Variants in SCAMP1 observed in about 807,000 individuals in gnomAD.
The protein encoded by SCAMP1 is secretory carrier-associated membrane protein 1.
SCAMP1 carries 15 observed loss-of-function variants against 41.8 expected under a neutral mutation model. That is an observed-to-expected ratio of 0.36 (90% CI 0.24 to 0.55). The LOEUF is 0.55. Among genes scored for constraint, SCAMP1 ranks in the 20% least tolerant of loss-of-function variants. The probability of loss-of-function intolerance (pLI) is 0.86; values close to 1 mark genes in which losing one functional copy is unlikely to be tolerated. For missense variants in SCAMP1, 341 were observed against 412.6 expected, an observed-to-expected ratio of 0.83 and a Z score of 1.50; for synonymous variants, 135 against 136.8, an observed-to-expected ratio of 0.99 and a Z score of 0.09.
chr5:78,460,793 C>CTTTGG (rs1561287109), intron 8 of SCAMP1, among the ~76,000 whole-genome samples: 2 of 47,254 alleles, frequency 4.2e-5, no homozygotes, highest in African/African-American at 1.2e-4. Context: ...TCCTTCCTTC[C>CTTTGG]TTCCTTCCTT....
At chr5:78,414,345 C>T (rs1293365963) in intron 2 of SCAMP1, among the ~76,000 whole-genome samples, 3 of 151,754 alleles carry the variant, frequency 2.0e-5, no homozygotes, top group African/African-American at 4.8e-5. Flanking sequence ...TGCAGTGGTG[C>T]GATCTTAGCT....
chr5:78,364,390 TTTAAA>T (rs1347709265), intron 1 of SCAMP1, among the ~76,000 whole-genome samples: 1 of 152,210 alleles, frequency 6.6e-6, no homozygotes, highest in African/African-American at 2.4e-5. Flanking sequence ...GGAAATAACA[TTTAAA>T]TTAATTTTTA....
At chr5:78,436,921 C>T (rs568087059) in intron 6 of SCAMP1, among the ~76,000 whole-genome samples, 42 of 152,100 alleles carry the variant, frequency 2.8e-4, no homozygotes, top group Non-Finnish European at 4.4e-5. Flanking sequence ...TTGTAGTTCT[C>T]CTTGAAGGGG....
intron 2 of SCAMP1, among the ~76,000 whole-genome samples, chr5:78,405,572 G>A (rs553112516): frequency 7.2e-5 from 11 of 152,222 alleles, no homozygotes; most frequent in African/African-American, 1.9e-4. Context: ...TTGTTGTCCC[G>A]TAAAATGATT....
Position 78,391,324 on chromosome 5 carries a change from C to T in SCAMP1, c.135+2410C>T, listed in dbSNP as rs1751493292. Among the ~76,000 whole-genome samples the T allele has an allele frequency of 2.6e-5, 4 of 151,348 alleles. No individual in the cohort carries two copies. In the South Asian group the frequency reaches 8.4e-4, roughly 32 times the overall value. The stretch of plus-strand genomic sequence containing the variant: ...CTCCCGGACGGGGCGGCTGGCCGGG[C>T]AGAGGGGCTCCTCACTTCCCAGTAG... On this transcript the variant is annotated intron_variant, in intron 2 of 8. Transcript: ENST00000621999.
intron 4 of SCAMP1, among the ~76,000 whole-genome samples, 200 bp from the exon 5 acceptor site, chr5:78,418,575 C>G (rs1283459737): frequency 6.6e-6 from 1 of 151,962 alleles, no homozygotes; most frequent in African/African-American, 2.4e-5. Context: ...CTAATGTGCT[C>G]TAAGGTGATG....
At chr5:78,443,879 A>G (rs1423481956) in intron 6 of SCAMP1, among the ~76,000 whole-genome samples, 1 of 150,132 alleles carries the variant, frequency 6.7e-6, no homozygotes, top group Non-Finnish European at 1.5e-5. Context: ...CTGGTCTTGA[A>G]CTCCTGAGCT....
Position 78,415,560 on chromosome 5 carries a change from C to T in SCAMP1, c.176C>T (p.Thr59Ile). The T allele has an allele frequency of 6.2e-7, 1 of 1,608,098 alleles. No homozygotes were observed. Among genetic ancestry groups the T allele is most frequent in the Non-Finnish European group, 8.5e-7 (1 of 1,177,130 alleles). The change falls in exon 3 of 9, where the codon ACA becomes ATA. Residue 59 changes from threonine to isoleucine, a missense_variant. Coordinates refer to ENST00000621999, the MANE Select transcript of SCAMP1 (RefSeq NM_004866.6). ...GTGAAGATGCCTAATGTACCCAATA[C>T]ACAACCAGCAATAATGAAACCAACA... ...GGVKMPNVPN[T>I]QPAIMKPTEE...
chr5:78,442,344 C>T, intron 6 of SCAMP1, among the ~76,000 whole-genome samples: 1 of 152,146 alleles, frequency 6.6e-6, no homozygotes, highest in Non-Finnish European at 1.5e-5. Flanking sequence ...TATCTCTGCT[C>T]ACTGCAACCT....
intron 1 of SCAMP1, among the ~76,000 whole-genome samples, chr5:78,362,895 C>CT (rs397962842): frequency 0.44 from 60,190 of 136,508 alleles, 13,890 homozygotes; most frequent in South Asian, 0.55. Context: ...TCTTTTTTTA[C>CT]TTTTTTTTTT....
chr5:78,452,637 T>C (rs371680390), intron 7 of SCAMP1, among the ~76,000 whole-genome samples: 15 of 151,166 alleles, frequency 9.9e-5, no homozygotes, highest in African/African-American at 2.7e-4. Flanking sequence ...TGAATAATGC[T>C]GCAATAAACA....
At chr5:78,449,897 C>A in intron 6 of SCAMP1, 36 bp from the exon 7 acceptor site, 1 of 1,169,088 alleles carries the variant, frequency 8.6e-7, no homozygotes, top group Non-Finnish European at 1.2e-6. Flanking sequence ...CTCCCCCTAA[C>A]CCCCTTTTTT....
At position 78,452,172 on chromosome 5, in the gene SCAMP1, T is replaced by TTAG. The variant is rs555086625; in HGVS notation, c.734+2140_734+2142dup. On this transcript the variant is annotated intron_variant, in intron 7 of 8. Transcript: ENST00000621999. Reference sequence around the variant, plus strand: ...ATTGGATTATATGGATGTTGCACATTTAGTTTTCTTTTCTTTTTTTTTTTA... The same window carrying TTAG: ...ATTGGATTATATGGATGTTGCACATTTAGTAGTTTTCTTTTCTTTTTTTTTTTA... 7.3e-5 allele frequency among the ~76,000 whole-genome samples: 11 copies of TTAG among 151,570 alleles called. 1 individual carries two copies. In the South Asian group the frequency reaches 2.3e-3, roughly 31 times the overall value.
chr5:78,420,125 G>A lies in SCAMP1; in HGVS notation c.472+1222G>A, dbSNP rs974335048. On this transcript the variant is annotated intron_variant, in intron 5 of 8. Coordinates refer to ENST00000621999, the MANE Select transcript of SCAMP1 (RefSeq NM_004866.6). ...GGCTGGAGTGCAATGGCACGATCTTGGTTCACTGCAACCTCCGCTTCCCGG... is the reference window on the plus strand; with the variant it reads ...GGCTGGAGTGCAATGGCACGATCTTAGTTCACTGCAACCTCCGCTTCCCGG... 2.6e-5 allele frequency among the ~76,000 whole-genome samples: 4 copies of A among 152,116 alleles called. 1 individual carries two copies. The highest frequency in any genetic ancestry group is 2.6e-4 in the Admixed American group (4 of 15,260).
At chr5:78,461,948 T>C (rs1478953215) in intron 8 of SCAMP1, among the ~76,000 whole-genome samples, 1 of 152,216 alleles carries the variant, frequency 6.6e-6, no homozygotes, top group Non-Finnish European at 1.5e-5. Context: ...TTTGGTTCCA[T>C]ATGAATTTTA....
rs754625657 is a variant in SCAMP1 at position 78,415,547 on chromosome 5, A to C, written c.163A>C (p.Asn55His). The change falls in exon 3 of 9, where the codon AAT becomes CAT. Residue 55 changes from asparagine (N) to histidine (H), a missense_variant. Physicochemically the swap from Asn to His is moderately conservative, Grantham distance 68 (BLOSUM62 1). Coordinates refer to ENST00000621999, the MANE Select transcript of SCAMP1 (RefSeq NM_004866.6). ...TCCACCAGGCGGTGTGAAGATGCCTAATGTACCCAATACACAACCAGCAAT... is the reference window on the plus strand; with the variant it reads ...TCCACCAGGCGGTGTGAAGATGCCTCATGTACCCAATACACAACCAGCAAT... ...TPPPGGVKMP[N>H]VPNTQPAIMK... is the part of the protein sequence containing the mutation. 6.2e-7 allele frequency: 1 copy of C among 1,606,870 alleles called. No homozygotes were observed. Among genetic ancestry groups the C allele is most frequent in the Admixed American group, 1.7e-5 (1 of 59,110 alleles).
At chr5:78,376,247 CG>C (rs1561251344) in intron 1 of SCAMP1, among the ~76,000 whole-genome samples, 1 of 152,010 alleles carries the variant, frequency 6.6e-6, no homozygotes, top group East Asian at 1.9e-4. Flanking sequence ...TGGGTTCCCC[CG>C]ATATATAAAA....
At position 78,471,948 on chromosome 5, in the gene SCAMP1, C is replaced by G. The variant is rs190458913; in HGVS notation, c.853-3556C>G. ...GAATTAGTATATACCAAATTTAATG[C>G]CTTTTCTGTGATTTTCCTAGAACTA... On this transcript the variant is annotated intron_variant, in intron 8 of 8. Transcript: ENST00000621999. 1.6e-3 allele frequency among the ~76,000 whole-genome samples: 242 copies of G among 152,082 alleles called. 1 individual carries two copies. The highest frequency in any genetic ancestry group is 2.8e-3 in the Non-Finnish European group (188 of 67,976).
At chr5:78,366,936 A>C (rs1475069219) in intron 1 of SCAMP1, among the ~76,000 whole-genome samples, 3 of 151,176 alleles carry the variant, frequency 2.0e-5, no homozygotes, top group African/African-American at 4.9e-5. Flanking sequence ...AAAAAAAAAA[A>C]ACCCAAAAAA....
Sources: allele counts gnomAD v4.1 joint callset (sites outside exome capture counted in the v4.1 genomes callset), GRCh38; gene constraint gnomAD v4.1.1; transcripts MANE v1.5; gene names NCBI Gene and HGNC (gene_info 2026-07-23, HGNC 2026-07-21).